The following MLLT10 variants were observed in gnomAD, a reference collection of about 807,000 sequenced individuals.
MLLT10 encodes the protein protein AF-10.
In MLLT10, 30 loss-of-function variants were observed where a neutral mutation model predicts 129.1. The ratio of observed to expected loss-of-function variants is 0.23; its 90% confidence interval spans 0.17 to 0.32. The LOEUF (loss-of-function observed/expected upper bound fraction) is 0.32. MLLT10 is among the 10% of genes least tolerant of loss of function. The pLI is 1.00. For synonymous variants in MLLT10, 490 were observed against 446.4 expected, an observed-to-expected ratio of 1.10 and a Z score of -1.23; for missense variants, 1,119 against 1,268.3, an observed-to-expected ratio of 0.88 and a Z score of 1.79.
chr10:21,610,985 T>TC (rs922793332), intron 5 of MLLT10, among the ~76,000 whole-genome samples: 1 of 59,208 alleles, frequency 1.7e-5, no homozygotes, highest in African/African-American at 7.0e-5. Flanking sequence ...CTTTTTTCTC[T>TC]TTTTTTTTTT....
intron 8 of MLLT10, among the ~76,000 whole-genome samples, chr10:21,643,952 A>C (rs969606301): frequency 9.2e-5 from 14 of 152,022 alleles, no homozygotes; most frequent in African/African-American, 3.4e-4. Context: ...TAAAATTTGC[A>C]TTACTGTGAT....
chr10:21,536,173 T>C (rs1317678243), intron 2 of MLLT10, among the ~76,000 whole-genome samples: 1 of 152,202 alleles, frequency 6.6e-6, no homozygotes, highest in African/African-American at 2.4e-5. Context: ...ATTCCTGACC[T>C]CAGGTGATCC....
At chr10:21,571,553 A>G (rs1388091872) in intron 3 of MLLT10, among the ~76,000 whole-genome samples, 4 of 152,224 alleles carry the variant, frequency 2.6e-5, no homozygotes, top group Non-Finnish European at 5.9e-5. Context: ...TGCTTGTCCA[A>G]TATCTTCAGT....
At chr10:21,536,269 A>G (rs531184145) in intron 2 of MLLT10, among the ~76,000 whole-genome samples, 1 of 152,258 alleles carries the variant, frequency 6.6e-6, no homozygotes, top group African/African-American at 2.4e-5. Context: ...GCCAAGTTGC[A>G]TGTCTTGCTT....
intron 9 of MLLT10, among the ~76,000 whole-genome samples, chr10:21,655,692 T>TA (rs1377777925): frequency 1.3e-5 from 2 of 152,154 alleles, no homozygotes; most frequent in African/African-American, 4.8e-5. Flanking sequence ...TGAAAGGTTT[T>TA]AGAGAGTTGT....
chr10:21,717,863 T>TCC (rs1381557022), intron 14 of MLLT10, among the ~76,000 whole-genome samples: 3 of 144,324 alleles, frequency 2.1e-5, no homozygotes, highest in Non-Finnish European at 3.1e-5. Flanking sequence ...CTCCTCCTCC[T>TCC]TCTCCTCCTC....
chr10:21,727,541 C>G (rs1289770512), intron 15 of MLLT10, among the ~76,000 whole-genome samples: 1 of 152,058 alleles, frequency 6.6e-6, no homozygotes, highest in African/African-American at 2.4e-5. Flanking sequence ...TTACTTTAAC[C>G]GTAGAAATTA....
intron 9 of MLLT10, among the ~76,000 whole-genome samples, chr10:21,656,909 G>T (rs751386024): frequency 1.3e-5 from 2 of 152,146 alleles, no homozygotes; most frequent in East Asian, 3.9e-4. Flanking sequence ...ATGATTAGAT[G>T]GAACACATAG....
intron 8 of MLLT10, chr10:21,626,305 G>A (rs1387183182): frequency 1.7e-6 from 2 of 1,199,774 alleles, no homozygotes; most frequent in Non-Finnish European, 2.5e-6. Flanking sequence ...GCAGGGGCTG[G>A]TGGCTGGGCC....
chr10:21,705,114 C>T (rs1029462625), intron 13 of MLLT10, among the ~76,000 whole-genome samples: 2 of 152,104 alleles, frequency 1.3e-5, no homozygotes, highest in African/African-American at 2.4e-5. Flanking sequence ...GGTCTGCAGC[C>T]AGCCAGTGTG....
chr10:21,563,728 T>C (rs2039156290), intron 3 of MLLT10, among the ~76,000 whole-genome samples: 1 of 151,958 alleles, frequency 6.6e-6, no homozygotes, highest in Admixed American at 6.6e-5. Context: ...TACATGGGTT[T>C]TCATGTGAGC....
At chr10:21,587,288 C>T (rs980318180) in intron 4 of MLLT10, among the ~76,000 whole-genome samples, 2 of 151,630 alleles carry the variant, frequency 1.3e-5, no homozygotes, top group Non-Finnish European at 2.9e-5. Flanking sequence ...CACATGGTGG[C>T]ACGTGCCTGC....
intron 8 of MLLT10, among the ~76,000 whole-genome samples, chr10:21,633,203 A>C (rs1160453405): frequency 6.6e-6 from 1 of 152,228 alleles, no homozygotes; most frequent in Non-Finnish European, 1.5e-5. Flanking sequence ...AGTTTTTAAA[A>C]CTAAATTAGT....
chr10:21,735,054 A>C lies in MLLT10; in HGVS notation c.2859-85A>C. 3.2e-6 allele frequency: 3 copies of C among 944,836 alleles called. No homozygotes were observed. In the South Asian group the frequency reaches 4.5e-5, roughly 14 times the overall value. 58.5% of individuals were successfully genotyped at this position (944,836 alleles called of 1,614,324 possible). On this transcript the variant is annotated intron_variant, in intron 20 of 22. Transcript: ENST00000307729. Reference sequence around the variant, plus strand: ...TTGTACTTAAGTTATTAAACATCAAATTGAAAAGTTGTCTTTCATTTTTAG... The same window carrying C: ...TTGTACTTAAGTTATTAAACATCAACTTGAAAAGTTGTCTTTCATTTTTAG...
chr10:21,685,501 A>G (rs773959454), intron 13 of MLLT10, among the ~76,000 whole-genome samples: 1 of 151,982 alleles, frequency 6.6e-6, no homozygotes, highest in Non-Finnish European at 1.5e-5. Flanking sequence ...TGCCTGGCTA[A>G]TTTTTGTATT....
At chr10:21,552,551 C>T (rs984995631) in intron 3 of MLLT10, among the ~76,000 whole-genome samples, 3 of 151,798 alleles carry the variant, frequency 2.0e-5, no homozygotes, top group Non-Finnish European at 4.4e-5. Context: ...GCCACCACGC[C>T]TGGCTAGTTT....
intron 3 of MLLT10, among the ~76,000 whole-genome samples, chr10:21,539,806 C>A (rs968578930): frequency 5.9e-5 from 9 of 151,814 alleles, no homozygotes; most frequent in Non-Finnish European, 1.0e-4. Context: ...ATTAGCTGGG[C>A]GTGGTGGCAC....
intron 18 of MLLT10, 95 bp from the exon 19 acceptor site, chr10:21,733,409 G>C (rs1263632167): frequency 2.6e-6 from 2 of 766,240 alleles, no homozygotes; most frequent in Admixed American, 7.4e-5. Flanking sequence ...GTTTTGATAC[G>C]GGCTTCAGCA....
intron 8 of MLLT10, chr10:21,625,417 G>C: frequency 1.2e-6 from 1 of 847,884 alleles, no homozygotes; most frequent in South Asian, 1.4e-5. Context: ...CTGTGCCCAA[G>C]TTTCTCACAA....
Sources: allele counts gnomAD v4.1 joint callset (sites outside exome capture counted in the v4.1 genomes callset), GRCh38; gene constraint gnomAD v4.1.1; transcripts MANE v1.5; gene names NCBI Gene and HGNC (gene_info 2026-07-23, HGNC 2026-07-21).